PI4K2B: variants seen among roughly 807,000 people sequenced by gnomAD.
PI4K2B encodes phosphatidylinositol 4-kinase type 2-beta.
Under a neutral mutation model 56.6 loss-of-function variants are expected in PI4K2B, and 46 were observed. The observed-to-expected ratio is 0.81, with a 90% confidence interval of 0.64 to 1.04. The LOEUF (loss-of-function observed/expected upper bound fraction) is 1.04. Ranked by LOEUF, PI4K2B falls within the 50% of genes least tolerant of loss-of-function variation. The pLI is 0.00. For missense variants in PI4K2B, 556 were observed against 607.7 expected (o/e 0.91, Z 0.89); for synonymous variants, 211 against 223.8 (o/e 0.94, Z 0.51).
chr4:25,239,322 G>T (rs1299767843), intron 1 of PI4K2B, among the ~76,000 whole-genome samples: 2 of 152,172 alleles, frequency 1.3e-5, no homozygotes, highest in African/African-American at 2.4e-5. Flanking sequence ...CTCGGGCTGT[G>T]CAGGATCCCA....
At chr4:25,263,634 TA>T (rs1330078234) in intron 6 of PI4K2B, 115 bp from the exon 7 acceptor site, 12 of 469,360 alleles carry the variant, frequency 2.6e-5, no homozygotes, top group African/African-American at 2.2e-4. Flanking sequence ...ACATTATTTT[TA>T]TAGGCTCATC....
At position 25,265,110 on chromosome 4, in the gene PI4K2B, G is replaced by A. The variant is rs532041292; in HGVS notation, c.1078+1261G>A. On this transcript the variant is annotated intron_variant, in intron 7 of 9. Transcript: ENST00000264864. ...CTCGGGAGGCCGAGGCAGGAGAATC[G>A]CTTGAACCTGGGAGGCAGAGGATGC... 2.6e-3 allele frequency among the ~76,000 whole-genome samples: 377 copies of A among 144,454 alleles called. 1 individual carries two copies. Among genetic ancestry groups the A allele is most frequent in the Non-Finnish European group, 3.9e-3 (262 of 67,100 alleles). 94.8% of individuals were successfully genotyped at this position (144,454 alleles called of 152,430 possible).
chr4:25,258,390 A>C (rs1716336000), intron 4 of PI4K2B: 1 of 151,628 alleles, frequency 6.6e-6, no homozygotes, highest in Admixed American at 6.6e-5. Flanking sequence ...TGTATTTTAA[A>C]TAGAGACAGG....
intron 9 of PI4K2B, among the ~76,000 whole-genome samples, chr4:25,274,121 C>T (rs1717013170): frequency 6.6e-6 from 1 of 152,098 alleles, no homozygotes. Flanking sequence ...GTTTTTAAAT[C>T]AACATATGGG....
intron 1 of PI4K2B, among the ~76,000 whole-genome samples, chr4:25,239,597 TC>T (rs946047490): frequency 2.0e-5 from 3 of 152,132 alleles, no homozygotes; most frequent in African/African-American, 7.2e-5. Context: ...CAACCCCAGT[TC>T]CCGCCCACAC....
chr4:25,251,264 T>A (rs539746783), intron 1 of PI4K2B, among the ~76,000 whole-genome samples: 1 of 152,250 alleles, frequency 6.6e-6, no homozygotes, highest in Non-Finnish European at 1.5e-5. Flanking sequence ...GCTGCTTATT[T>A]CTTAATGAAA....
intron 9 of PI4K2B, among the ~76,000 whole-genome samples, chr4:25,270,703 T>TCTGCAGGCTGGGCTCA (rs1162283099): frequency 6.6e-6 from 1 of 152,158 alleles, no homozygotes; most frequent in Non-Finnish European, 1.5e-5. Flanking sequence ...CTGATGTGGA[T>TCTGCAGGCTGGGCTCA]CTGCAGGCTG....
chr4:25,248,567 T>C (rs941391550), intron 1 of PI4K2B, among the ~76,000 whole-genome samples: 1 of 150,724 alleles, frequency 6.6e-6, no homozygotes. Flanking sequence ...ATAAATGGAC[T>C]GCTTGGTCCA....
rs562739700 is a variant in PI4K2B, at chr4:25,278,418, G to A, written c.*1231G>A. On this transcript the variant is annotated 3_prime_UTR_variant, in exon 10 of 10. Transcript: ENST00000264864. ...CTTAACTGGGTAATTTGTGGTCTAG[G>A]CCTTTTGTTTTCTAAGCTTACTATC... is the stretch of plus-strand genomic sequence containing the variant. 3 of 152,252 alleles carry A rather than the reference G, an allele frequency of 2.0e-5. No homozygotes were observed. The highest frequency in any genetic ancestry group is 6.5e-5 in the Admixed American group (1 of 15,298). The allele number at this position is 152,252 out of a possible 1,614,324, so 9.4% of individuals were successfully genotyped here. A position where few individuals can be genotyped will look rare whatever the true frequency, so the allele number is the denominator to read the frequency against.
In PI4K2B at chr4:25,259,026, TA is replaced by T; in HGVS notation, c.757-7del. Reference sequence around the variant, plus strand: ...TACTTTCTTTTCTAACTATAGTTCTTAAAATTATAGATTGGTTCCTTTCAGT... The same window carrying T: ...TACTTTCTTTTCTAACTATAGTTCTTAAATTATAGATTGGTTCCTTTCAGT... On this transcript the variant is annotated splice_polypyrimidine_tract_variant and intron_variant, in intron 4 of 9. Transcript: ENST00000264864. 7.0e-7 allele frequency: 1 copy of T among 1,425,778 alleles called. No individual in the cohort carries two copies. The highest frequency in any genetic ancestry group is 2.3e-5 in the East Asian group (1 of 43,750). The allele number at this position is 1,425,778 out of a possible 1,614,324, so 88.3% of individuals were successfully genotyped here.
intron 7 of PI4K2B, chr4:25,267,933 A>C (rs745651363): frequency 8.9e-5 from 82 of 919,792 alleles, no homozygotes; most frequent in African/African-American, 1.3e-4. Context: ...GTGGTATTCA[A>C]TCTGTGCCCG....
intron 1 of PI4K2B, among the ~76,000 whole-genome samples, chr4:25,242,602 C>T (rs1190584386): frequency 6.6e-6 from 1 of 152,248 alleles, no homozygotes; most frequent in Non-Finnish European, 1.5e-5. Context: ...TTGCACTAGT[C>T]TCCACTGACC....
At chr4:25,239,431 G>GCAAGTGCCACATGCAACCCCAGTTCCC (rs1560365511) in intron 1 of PI4K2B, among the ~76,000 whole-genome samples, 23 of 61,598 alleles carry the variant, frequency 3.7e-4, no homozygotes, top group Non-Finnish European at 8.2e-4. Flanking sequence ...GCACGGTGCC[G>GCAAGTGCCACATGCAACCCCAGTTCCC]GCCCAGGGGG....
chr4:25,269,554 G>T (rs376270945), intron 9 of PI4K2B, among the ~76,000 whole-genome samples: 1 of 150,958 alleles, frequency 6.6e-6, no homozygotes, highest in African/African-American at 2.4e-5. Flanking sequence ...CAGGAGAATC[G>T]CTTGAACTCG....
chr4:25,275,281 T>G lies in PI4K2B; in HGVS notation c.1273-1733T>G, dbSNP rs35042565. Among the ~76,000 whole-genome samples, 2,231 of 152,362 alleles carry G rather than the reference T, an allele frequency of 0.015. 129 individuals carry two copies. The East Asian group carries it at 0.18, about 12-fold the overall frequency. Reference sequence around the variant, plus strand: ...TCCTTAGCTGTGCTAGTGCACACTTTTATATTCATGGTAGGAACAATGCTT... The same window carrying G: ...TCCTTAGCTGTGCTAGTGCACACTTGTATATTCATGGTAGGAACAATGCTT... On this transcript the variant is annotated intron_variant, in intron 9 of 9. Coordinates refer to ENST00000264864, the MANE Select transcript of PI4K2B (RefSeq NM_018323.4).
intron 1 of PI4K2B, among the ~76,000 whole-genome samples, chr4:25,237,860 C>T (rs1473540308): frequency 6.6e-6 from 1 of 152,084 alleles, no homozygotes; most frequent in Non-Finnish European, 1.5e-5. Context: ...ATACTCCAGC[C>T]TGGGTTACAG....
chr4:25,236,884 A>T (rs1715284293), intron 1 of PI4K2B, among the ~76,000 whole-genome samples: 2 of 152,220 alleles, frequency 1.3e-5, no homozygotes, highest in Non-Finnish European at 2.9e-5. Context: ...TAAAGACTAA[A>T]ATGTTCATGA....
At chr4:25,244,952 A>G (rs1715694276) in intron 1 of PI4K2B, among the ~76,000 whole-genome samples, 1 of 152,198 alleles carries the variant, frequency 6.6e-6, no homozygotes, top group Non-Finnish European at 1.5e-5. Context: ...TGTCCTATAA[A>G]GATGTTATGC....
chr4:25,274,396 T>C (rs1360403545), intron 9 of PI4K2B, among the ~76,000 whole-genome samples: 1 of 152,154 alleles, frequency 6.6e-6, no homozygotes, highest in East Asian at 1.9e-4. Flanking sequence ...CTCCATTCTA[T>C]TTTTTTAAAT....
Sources: gnomAD v4.1 joint callset for allele counts (sites outside exome capture counted in the v4.1 genomes callset) on GRCh38, gnomAD v4.1.1 for gene constraint, MANE v1.5 for transcripts, NCBI Gene and HGNC (gene_info 2026-07-23, HGNC 2026-07-21) for gene names.